Variants in RABEPK observed in about 807,000 individuals in gnomAD.
The protein encoded by RABEPK is Rab9 effector protein with kelch motifs.
A neutral mutation model predicts 34.1 loss-of-function variants in RABEPK; 27 were observed. That is an observed-to-expected ratio of 0.79 (90% CI 0.58 to 1.09). RABEPK has a LOEUF of 1.09. Among genes scored for constraint, RABEPK ranks in the 50% least tolerant of loss-of-function variants. RABEPK has a pLI of 0.00. For missense variants in RABEPK, 449 were observed against 462.6 expected, an observed-to-expected ratio of 0.97 and a Z score of 0.27; for synonymous variants, 172 against 169.2, an observed-to-expected ratio of 1.02 and a Z score of -0.13.
In RABEPK at chr9:125,200,573, C is replaced by G. The variant is rs1452965097; in HGVS notation, c.-340C>G. Reference sequence around the variant, plus strand: ...ACGGCTCGCGACTGGCCTAAGTCGCCGCAGGTATTGCAGTCCGGGGCTGGA... The same window carrying G: ...ACGGCTCGCGACTGGCCTAAGTCGCGGCAGGTATTGCAGTCCGGGGCTGGA... On this transcript the variant is annotated 5_prime_UTR_variant, in exon 1 of 8. Transcript: ENST00000373538. The G allele has an allele frequency of 4.9e-6, 2 of 409,322 alleles. No homozygotes were observed. Among genetic ancestry groups the G allele is most frequent in the Non-Finnish European group, 5.2e-6 (1 of 193,598 alleles). The allele number at this position is 409,322 out of a possible 1,614,324, so 25.4% of individuals were successfully genotyped here. A position where few individuals can be genotyped will look rare whatever the true frequency, so the allele number is the denominator to read the frequency against.
At chr9:125,223,422 C>T (rs1043804663) in intron 5 of RABEPK, among the ~76,000 whole-genome samples, 8 of 152,064 alleles carry the variant, frequency 5.3e-5, no homozygotes, top group Non-Finnish European at 1.5e-5. Flanking sequence ...CGCCACTGCA[C>T]TCTAGCCTGG....
At position 125,220,205 on chromosome 9, in the gene RABEPK, T is replaced by G. The variant is rs951022158; in HGVS notation, c.365-334T>G. On this transcript the variant is annotated intron_variant, in intron 4 of 7. Transcript: ENST00000373538. ...AGTAGAGATGGGGTTTTACCCCATG[T>G]TGGCCAGGCTGGTTTCGAACTCCTG... 6.0e-6 allele frequency: 5 copies of G among 830,744 alleles called. No homozygotes were observed. The African/African-American group carries it at 8.8e-5, about 15-fold the overall frequency. 51.5% of individuals were successfully genotyped at this position (830,744 alleles called of 1,614,324 possible).
At chr9:125,204,843 C>T (rs1469365651) in intron 2 of RABEPK, among the ~76,000 whole-genome samples, 1 of 142,558 alleles carries the variant, frequency 7.0e-6, no homozygotes, top group Non-Finnish European at 1.5e-5. Flanking sequence ...ATTTTTGAGA[C>T]AAGTTCTTCC....
intron 2 of RABEPK, among the ~76,000 whole-genome samples, chr9:125,205,924 A>G (rs1282376180): frequency 1.4e-5 from 2 of 142,936 alleles, no homozygotes; most frequent in Non-Finnish European, 3.1e-5. Flanking sequence ...CAGGTAAGCA[A>G]ATGTAAAGTG....
chr9:125,214,980 G>A (rs1008676938), intron 4 of RABEPK, among the ~76,000 whole-genome samples: 3 of 151,598 alleles, frequency 2.0e-5, no homozygotes, highest in African/African-American at 7.3e-5. Flanking sequence ...AGCAGAGATG[G>A]GGTTTCTCCA....
At chr9:125,210,308 G>A (rs1165022299) in intron 3 of RABEPK, among the ~76,000 whole-genome samples, 1 of 150,940 alleles carries the variant, frequency 6.6e-6, no homozygotes, top group African/African-American at 2.4e-5. Context: ...GGAGGCTGAG[G>A]CAGGAGAATG....
intron 3 of RABEPK, 67 bp downstream of exon 3, chr9:125,207,788 G>T: frequency 6.4e-7 from 1 of 1,566,946 alleles, no homozygotes; most frequent in South Asian, 1.1e-5. Context: ...TGCTAGCCAT[G>T]AGCAGGGCAT....
chr9:125,229,680 G>T (rs1305614718), intron 6 of RABEPK, among the ~76,000 whole-genome samples: 2 of 152,304 alleles, frequency 1.3e-5, no homozygotes, highest in African/African-American at 4.8e-5. Context: ...TTTCTTTCTG[G>T]TGTTAGCCAT....
chr9:125,231,577 T>G (rs1450001255), intron 6 of RABEPK, among the ~76,000 whole-genome samples: 2 of 151,684 alleles, frequency 1.3e-5, no homozygotes, highest in Admixed American at 6.6e-5. Context: ...CCGAGGTGGG[T>G]GGATCACGAG....
At chr9:125,212,217 A>T (rs909915131) in intron 3 of RABEPK, among the ~76,000 whole-genome samples, 1 of 152,094 alleles carries the variant, frequency 6.6e-6, no homozygotes, top group Non-Finnish European at 1.5e-5. Context: ...AATAAAGGTT[A>T]GGGTTTTTTG....
At chr9:125,215,303 A>AT (rs1830861987) in intron 4 of RABEPK, among the ~76,000 whole-genome samples, 1 of 129,440 alleles carries the variant, frequency 7.7e-6, no homozygotes, top group Non-Finnish European at 1.7e-5. Flanking sequence ...GGGTTTTTTT[A>AT]TTGTTGGTAA....
In RABEPK at chr9:125,233,594, G is replaced by A. The variant is rs557241215; in HGVS notation, c.827-94G>A. On this transcript the variant is annotated intron_variant, in intron 7 of 7. Coordinates refer to ENST00000373538, the MANE Select transcript of RABEPK (RefSeq NM_005833.4). ...CCTGACCTCGTGATCCACCCGCTTCGGCCTCCCAAAGTGCTGGGATTACAG... is the reference window on the plus strand; with the variant it reads ...CCTGACCTCGTGATCCACCCGCTTCAGCCTCCCAAAGTGCTGGGATTACAG... 34 of 1,322,228 alleles carry A rather than the reference G, an allele frequency of 2.6e-5. No homozygotes were observed. Among genetic ancestry groups the A allele is most frequent in the Middle Eastern group, 1.9e-4 (1 of 5,280 alleles). The allele number at this position is 1,322,228 out of a possible 1,614,324, so 81.9% of individuals were successfully genotyped here.
chr9:125,206,975 G>A lies in RABEPK; in HGVS notation c.54-589G>A, dbSNP rs2131371741. On this transcript the variant is annotated intron_variant, in intron 2 of 7. Coordinates refer to ENST00000373538, the MANE Select transcript of RABEPK (RefSeq NM_005833.4). Reference sequence around the variant, plus strand: ...GTGGTGGCACATGCCTGTAATCCCAGCTGCTAGGGAGGCTGAGGCAGGAGA... The same window carrying A: ...GTGGTGGCACATGCCTGTAATCCCAACTGCTAGGGAGGCTGAGGCAGGAGA... Among the ~76,000 whole-genome samples, 2 of 152,074 alleles carry A rather than the reference G, an allele frequency of 1.3e-5. 1 individual carries two copies. The highest frequency in any genetic ancestry group is 4.1e-4 in the South Asian group (2 of 4,822).
At chr9:125,219,842 C>A (rs759424213) in intron 4 of RABEPK, among the ~76,000 whole-genome samples, 15 of 152,032 alleles carry the variant, frequency 9.9e-5, no homozygotes, top group Non-Finnish European at 1.8e-4. Context: ...TGCCTACTTT[C>A]TTTTATTGGC....
intron 4 of RABEPK, among the ~76,000 whole-genome samples, chr9:125,215,423 CCTCAGCCTCCCA>C (rs1294298641): frequency 6.6e-6 from 1 of 151,864 alleles, no homozygotes; most frequent in African/African-American, 2.4e-5. Flanking sequence ...GAACCTCCTA[CCTCAGCCTCCCA>C]GGTAGCTGGG....
chr9:125,225,851 T>G lies in RABEPK; in HGVS notation c.527-2059T>G, dbSNP rs150295338. 5.3e-4 allele frequency among the ~76,000 whole-genome samples: 80 copies of G among 151,580 alleles called. 1 individual carries two copies. The East Asian group carries it at 0.016, about 29-fold the overall frequency. On this transcript the variant is annotated intron_variant, in intron 5 of 7. Transcript: ENST00000373538. ...GGTGGTAGGCACCTGTAATCCCAGC[T>G]ACTTGGGAGGCTGAGGCAGTTGACT...
intron 5 of RABEPK, among the ~76,000 whole-genome samples, chr9:125,222,819 C>G (rs1170194487): frequency 6.6e-6 from 1 of 151,746 alleles, no homozygotes; most frequent in African/African-American, 2.4e-5. Flanking sequence ...AAAGTCTTCA[C>G]CAGCATTTTG....
chr9:125,203,099 A>G (rs768565357), intron 2 of RABEPK, 33 bp downstream of exon 2: 19 of 1,590,436 alleles, frequency 1.2e-5, no homozygotes, highest in East Asian at 2.2e-5. Flanking sequence ...ACAGAAAAGC[A>G]TGAGTTTTTG....
rs745348056 is a variant in RABEPK, at chr9:125,213,507, C to G, written c.349C>G (p.Gln117Glu). The change falls in exon 4 of 8, where the codon CAA becomes GAA. Residue 117 changes from glutamine (Q) to glutamate (E), a missense_variant. Coordinates refer to ENST00000373538, the MANE Select transcript of RABEPK (RefSeq NM_005833.4). Reference protein sequence around the residue: ...ANQSGNRNCLQVLNPETRTWT... With the variant: ...ANQSGNRNCLEVLNPETRTWT... ...CCAATCAGGAAATCGAAATTGTCTA[C>G]AAGTCCTGAATCCTGGTAAGTAGCC... is the stretch of plus-strand genomic sequence containing the variant. 1.2e-6 allele frequency: 2 copies of G among 1,613,750 alleles called. No individual in the cohort carries two copies. The highest frequency in any genetic ancestry group is 3.3e-5 in the Admixed American group (2 of 59,834).
Sources: allele counts gnomAD v4.1 joint callset (sites outside exome capture counted in the v4.1 genomes callset), GRCh38; gene constraint gnomAD v4.1.1; transcripts MANE v1.5; gene names NCBI Gene and HGNC (gene_info 2026-07-23, HGNC 2026-07-21).